The following EXOC6 variants were observed in gnomAD, a reference collection of about 807,000 sequenced individuals.
EXOC6 encodes the protein SEC15-like 1.
A neutral mutation model predicts 112.5 loss-of-function variants in EXOC6; 60 were observed. The observed-to-expected ratio is 0.53, with a 90% confidence interval of 0.43 to 0.66. The LOEUF is 0.66. Among genes scored for constraint, EXOC6 ranks in the 30% least tolerant of loss-of-function variants. The pLI is 0.00. For synonymous variants in EXOC6, 295 were observed against 308.0 expected (o/e 0.96, Z 0.44); for missense variants, 855 against 957.1 (o/e 0.89, Z 1.41).
upstream of EXOC6, among the ~76,000 whole-genome samples, chr10:92,832,196 G>A (rs147783405): frequency 2.4e-4 from 36 of 152,296 alleles, no homozygotes; most frequent in East Asian, 6.6e-3. Flanking sequence ...ACAAGGCAGA[G>A]GTAACTCAGC....
chr10:92,909,426 G>A lies in EXOC6; in HGVS notation c.459-1G>A. ...GAGTTTTCTTTTTTAACTTCTCACA[G>A]GTACTATTCTGCCCTAAAAACTATG... is the stretch of plus-strand genomic sequence containing the variant. On this transcript the variant is annotated splice_acceptor_variant, in intron 5 of 21. Transcript: ENST00000260762. LOFTEE classifies it high-confidence loss of function. The A allele has an allele frequency of 6.3e-7, 1 of 1,586,788 alleles. No homozygotes were observed. The highest frequency in any genetic ancestry group is 8.5e-7 in the Non-Finnish European group (1 of 1,169,640).
chr10:93,024,227 G>A (rs185837846), intron 20 of EXOC6, among the ~76,000 whole-genome samples: 3 of 152,276 alleles, frequency 2.0e-5, no homozygotes, highest in African/African-American at 7.2e-5. Flanking sequence ...TGATAAAGCA[G>A]TAAGGTGGGT....
At chr10:93,025,416 C>T (rs1183574068) in intron 20 of EXOC6, among the ~76,000 whole-genome samples, 3 of 152,062 alleles carry the variant, frequency 2.0e-5, no homozygotes, top group Non-Finnish European at 4.4e-5. Flanking sequence ...ATATGAGAAG[C>T]CATTTTTAAA....
At chr10:93,030,913 A>T (rs1239706966) in intron 20 of EXOC6, among the ~76,000 whole-genome samples, 1 of 152,186 alleles carries the variant, frequency 6.6e-6, no homozygotes, top group East Asian at 1.9e-4. Context: ...TAAGGCAAAC[A>T]ATCTAATTTT....
chr10:92,891,127 T>G (rs901950479), intron 1 of EXOC6, among the ~76,000 whole-genome samples: 1 of 152,146 alleles, frequency 6.6e-6, no homozygotes, highest in Non-Finnish European at 1.5e-5. Context: ...CCTGAGCAAC[T>G]AGAAAAGTGG....
intron 18 of EXOC6, among the ~76,000 whole-genome samples, chr10:92,978,751 T>C (rs970028376): frequency 1.3e-5 from 2 of 152,152 alleles, no homozygotes; most frequent in Non-Finnish European, 1.5e-5. Flanking sequence ...CCAAATAGAG[T>C]AAAGGGCCAA....
intron 1 of EXOC6, among the ~76,000 whole-genome samples, chr10:92,840,433 A>G (rs1846804479): frequency 6.6e-6 from 1 of 152,166 alleles, no homozygotes; most frequent in African/African-American, 2.4e-5. Flanking sequence ...TTAGCATAAT[A>G]GTTGGCTGGC....
Position 92,934,389 on chromosome 10 carries a change from A to G in EXOC6, c.1099A>G (p.Met367Val). The G allele has an allele frequency of 6.2e-7, 1 of 1,602,366 alleles. No individual in the cohort carries two copies. The highest frequency in any genetic ancestry group is 8.5e-7 in the Non-Finnish European group (1 of 1,175,378). ...TRAYTDELWN[M>V]ALSKIIAVLR... The stretch of plus-strand genomic sequence containing the variant: ...GGCATACACTGATGAACTTTGGAAC[A>G]TGGCCCTCTCAAAGATAATTGCTGT... The change falls in exon 11 of 22, where the codon ATG becomes GTG. Residue 367 changes from methionine to valine, a missense_variant. Transcript: ENST00000260762.
chr10:92,894,611 T>C (rs1200319484), intron 2 of EXOC6, among the ~76,000 whole-genome samples, 183 bp from the exon 3 acceptor site: 1 of 152,158 alleles, frequency 6.6e-6, no homozygotes, highest in African/African-American at 2.4e-5. Flanking sequence ...CTGTCATAAG[T>C]AATTGAAGTT....
At chr10:93,021,634 C>G (rs1011546680) in intron 20 of EXOC6, among the ~76,000 whole-genome samples, 3 of 152,162 alleles carry the variant, frequency 2.0e-5, no homozygotes, top group Non-Finnish European at 4.4e-5. Context: ...CTATTGAAAA[C>G]AGGATTCTTT....
upstream of EXOC6, chr10:92,831,419 C>T: frequency 1.1e-6 from 1 of 911,094 alleles, no homozygotes; most frequent in Non-Finnish European, 1.5e-6. Flanking sequence ...TTCTTCTATA[C>T]TATATTCTAT....
chr10:92,963,713 C>T (rs1438675180), intron 17 of EXOC6, among the ~76,000 whole-genome samples: 2 of 151,926 alleles, frequency 1.3e-5, no homozygotes, highest in African/African-American at 4.8e-5. Context: ...CTGTTAGTGT[C>T]AAACTCCTGG....
chr10:92,959,711 A>G (rs1268903674), intron 17 of EXOC6, among the ~76,000 whole-genome samples: 1 of 152,218 alleles, frequency 6.6e-6, no homozygotes, highest in African/African-American at 2.4e-5. Flanking sequence ...ACCTTAACAT[A>G]TACCTCAGCA....
chr10:93,011,353 C>T (rs1844237675), intron 19 of EXOC6, among the ~76,000 whole-genome samples: 1 of 151,852 alleles, frequency 6.6e-6, no homozygotes. Flanking sequence ...ACCTCCTGGG[C>T]TTAAGTGATC....
chr10:92,864,049 A>T (rs369260995), intron 1 of EXOC6, among the ~76,000 whole-genome samples: 1 of 152,118 alleles, frequency 6.6e-6, no homozygotes, highest in African/African-American at 2.4e-5. Flanking sequence ...AGATAACTTG[A>T]TTGTGAAGAA....
intron 1 of EXOC6, among the ~76,000 whole-genome samples, chr10:92,882,737 T>C (rs10882123): frequency 0.25 from 38,743 of 152,094 alleles, 6,300 homozygotes; most frequent in East Asian, 0.74. Context: ...TTCTTAAGTA[T>C]ATCTGGAGGC....
chr10:92,919,308 A>G (rs61862283), intron 7 of EXOC6, among the ~76,000 whole-genome samples: 3,341 of 137,072 alleles, frequency 0.024, 57 homozygotes, highest in African/African-American at 0.044. Flanking sequence ...AAGCAATGTT[A>G]TAGTAAAAAT....
intron 19 of EXOC6, among the ~76,000 whole-genome samples, chr10:93,005,298 A>G (rs1843926591): frequency 6.6e-6 from 1 of 152,168 alleles, no homozygotes; most frequent in South Asian, 2.1e-4. Context: ...CATACTTGGA[A>G]ATTGCAAAAA....
intron 14 of EXOC6, among the ~76,000 whole-genome samples, chr10:92,951,236 T>C (rs1047055790): frequency 1.3e-5 from 2 of 152,148 alleles, no homozygotes; most frequent in African/African-American, 4.8e-5. Context: ...GATTTGGAGA[T>C]ATTGGTACTT....
Sources: gnomAD v4.1 joint callset for allele counts (sites outside exome capture counted in the v4.1 genomes callset) on GRCh38, gnomAD v4.1.1 for gene constraint, MANE v1.5 for transcripts, NCBI Gene and HGNC (gene_info 2026-07-23, HGNC 2026-07-21) for gene names.